The following PLCG2 variants were observed in gnomAD, a reference collection of about 807,000 sequenced individuals.
PLCG2 encodes phospholipase C gamma 2.
Under a neutral mutation model 175.6 loss-of-function variants are expected in PLCG2, and 69 were observed. The observed-to-expected ratio is 0.39, with a 90% CI of 0.32 to 0.48. The LOEUF (loss-of-function observed/expected upper bound fraction) is 0.48, where lower values mean the gene tolerates loss of function less well. Among genes scored for constraint, PLCG2 ranks in the 20% least tolerant of loss-of-function variants. The pLI, the probability that PLCG2 is intolerant of heterozygous loss-of-function variation, is 0.91. For synonymous variants in PLCG2, 827 were observed against 624.0 expected (o/e 1.33, Z -4.85); for missense variants, 1,798 against 1,650.9 (o/e 1.09, Z -1.54).
At chr16:81,917,556 T>A (rs1462658254) in intron 19 of PLCG2, among the ~76,000 whole-genome samples, 2 of 152,170 alleles carry the variant, frequency 1.3e-5, no homozygotes, top group Admixed American at 1.3e-4. Flanking sequence ...CACCAGCACT[T>A]CTCCTTTAGC....
At chr16:81,743,104 C>T (rs1172196212) in intron 1 of PLCG2, among the ~76,000 whole-genome samples, 1 of 152,074 alleles carries the variant, frequency 6.6e-6, no homozygotes, top group African/African-American at 2.4e-5. Flanking sequence ...AGTTTGAGAC[C>T]AGCCTGGGCA....
At chr16:81,783,150 G>A (rs1411803995) in intron 1 of PLCG2, 8 of 490,898 alleles carry the variant, frequency 1.6e-5, no homozygotes, top group South Asian at 1.2e-4. Context: ...GTTATAATGG[G>A]GCTTGTGTTT....
At chr16:81,796,057 G>A (rs924363023) in intron 2 of PLCG2, among the ~76,000 whole-genome samples, 2 of 152,248 alleles carry the variant, frequency 1.3e-5, no homozygotes, top group Non-Finnish European at 2.9e-5. Context: ...TAAGCAGGTT[G>A]ATGGTAAGGG....
chr16:81,839,513 G>A (rs565257693), intron 2 of PLCG2, among the ~76,000 whole-genome samples: 1 of 152,080 alleles, frequency 6.6e-6, no homozygotes, highest in South Asian at 2.1e-4. Context: ...AATAATTTTT[G>A]TTATATTTGC....
intron 17 of PLCG2, among the ~76,000 whole-genome samples, chr16:81,909,508 C>T (rs2143654387): frequency 6.6e-6 from 1 of 152,312 alleles, no homozygotes; most frequent in African/African-American, 2.4e-5. Context: ...CCTCAAACTC[C>T]TGGGCTCAAG....
intron 11 of PLCG2, among the ~76,000 whole-genome samples, chr16:81,891,882 T>G (rs1657874934): frequency 6.6e-6 from 1 of 152,102 alleles, no homozygotes; most frequent in African/African-American, 2.4e-5. Flanking sequence ...GTAAACTTAG[T>G]TTTTCACGAT....
intron 2 of PLCG2, among the ~76,000 whole-genome samples, chr16:81,796,844 G>A (rs28376278): frequency 0.35 from 53,871 of 151,810 alleles, 9,849 homozygotes; most frequent in Middle Eastern, 0.44. Flanking sequence ...CCAGAACTGT[G>A]AGACAAACTT....
chr16:81,876,076 G>A (rs552276291), intron 7 of PLCG2, among the ~76,000 whole-genome samples: 1 of 148,052 alleles, frequency 6.8e-6, no homozygotes, highest in East Asian at 2.0e-4. Flanking sequence ...CCGAGGCTGG[G>A]GTGCAGTGGT....
intron 1 of PLCG2, among the ~76,000 whole-genome samples, chr16:81,745,249 A>G (rs1909681389): frequency 6.6e-6 from 1 of 152,190 alleles, no homozygotes; most frequent in African/African-American, 2.4e-5. Context: ...TTGGCCGGGA[A>G]GGGCATATGA....
At chr16:81,753,172 C>A (rs886456481) in intron 1 of PLCG2, among the ~76,000 whole-genome samples, 1 of 152,076 alleles carries the variant, frequency 6.6e-6, no homozygotes, top group African/African-American at 2.4e-5. Flanking sequence ...TGCCTCTCCC[C>A]GCCACCTCAG....
intron 14 of PLCG2, among the ~76,000 whole-genome samples, chr16:81,903,922 G>A (rs983793982): frequency 2.6e-5 from 4 of 152,144 alleles, no homozygotes; most frequent in African/African-American, 9.7e-5. Context: ...AAATAGCGTT[G>A]GCCACACGGT....
intron 19 of PLCG2, among the ~76,000 whole-genome samples, chr16:81,914,278 T>C (rs1284044011): frequency 6.6e-6 from 1 of 152,158 alleles, no homozygotes; most frequent in Non-Finnish European, 1.5e-5. Flanking sequence ...CTGATGATGG[T>C]CAGGATGCCA....
chr16:81,902,207 G>C (rs1909180830), intron 14 of PLCG2, among the ~76,000 whole-genome samples: 1 of 152,230 alleles, frequency 6.6e-6, no homozygotes, highest in African/African-American at 2.4e-5. Flanking sequence ...TTCATGGAAG[G>C]AGCGAGTGTG....
chr16:81,842,252 G>T (rs192147075), intron 2 of PLCG2, among the ~76,000 whole-genome samples: 2 of 152,228 alleles, frequency 1.3e-5, no homozygotes, highest in Non-Finnish European at 2.9e-5. Flanking sequence ...CAGCCAGGAT[G>T]CATGTGCTCA....
chr16:81,951,121 T>C (rs1911348718), intron 31 of PLCG2, among the ~76,000 whole-genome samples: 1 of 152,034 alleles, frequency 6.6e-6, no homozygotes, highest in African/African-American at 2.4e-5. Context: ...ACTACAGGCA[T>C]ATGCCACCAT....
At chr16:81,930,219 A>G (rs1468312058) in intron 24 of PLCG2, among the ~76,000 whole-genome samples, 1 of 152,206 alleles carries the variant, frequency 6.6e-6, no homozygotes, top group African/African-American at 2.4e-5. Context: ...TCTGCTTAGA[A>G]TATTGCCTGG....
chr16:81,931,519 C>G lies in PLCG2; in HGVS notation c.2604C>G (p.Asn868Lys), dbSNP rs1131691537. Residue 868 changes from asparagine to lysine, a missense_variant, in exon 25 of 33, where the codon AAC becomes AAG. Asn to Lys is a moderately conservative substitution (Grantham distance 94). Coordinates refer to ENST00000564138, the MANE Select transcript of PLCG2 (RefSeq NM_002661.5). ...YNVVKAPQGK[N>K]QKSFVFILEP... is the part of the protein sequence containing the mutation. ...AAGTGAAAGCCCCTCAGGGAAAAAA[C>G]CAGAAGTCCTTTGTCTTCATCCTGG... 1.2e-6 allele frequency: 2 copies of G among 1,613,840 alleles called. No homozygotes were observed. The highest frequency in any genetic ancestry group is 2.2e-5 in the East Asian group (1 of 44,874).
At chr16:81,863,727 C>G (rs1313307858) in intron 5 of PLCG2, among the ~76,000 whole-genome samples, 1 of 152,230 alleles carries the variant, frequency 6.6e-6, no homozygotes. Context: ...CCAACACTTA[C>G]TTCCTTTCCC....
upstream of PLCG2, among the ~76,000 whole-genome samples, chr16:81,776,101 T>TTGC (rs1555505213): frequency 5.4e-5 from 3 of 55,310 alleles, no homozygotes; most frequent in African/African-American, 1.7e-4. Context: ...TTCTTTCTTT[T>TTGC]TTTCCTTCTT....
Sources: allele counts gnomAD v4.1 joint callset (sites outside exome capture counted in the v4.1 genomes callset), GRCh38; gene constraint gnomAD v4.1.1; transcripts MANE v1.5; gene names NCBI Gene and HGNC (gene_info 2026-07-23, HGNC 2026-07-21).